LPP: variants seen among roughly 807,000 people sequenced by gnomAD.
LPP encodes LIM domain containing preferred translocation partner in lipoma.
Under a neutral mutation model 60.4 loss-of-function variants are expected in LPP, and 38 were observed. That is an observed-to-expected ratio of 0.63 (90% CI 0.49 to 0.83). The LOEUF is 0.83. Among genes scored for constraint, LPP ranks in the 40% least tolerant of loss-of-function variants. LPP has a pLI of 0.00. For synonymous variants in LPP, 328 were observed against 290.8 expected (o/e 1.13, Z -1.30); for missense variants, 902 against 783.6 (o/e 1.15, Z -1.80).
At chr3:188,161,330 G>A (rs1229653390) in intron 1 of LPP, among the ~76,000 whole-genome samples, 2 of 152,206 alleles carry the variant, frequency 1.3e-5, no homozygotes, top group Non-Finnish European at 2.9e-5. Context: ...CCTGTATCGG[G>A]TCAGCAGCGT....
At chr3:188,271,109 A>T (rs1267063106) in intron 2 of LPP, among the ~76,000 whole-genome samples, 1 of 152,268 alleles carries the variant, frequency 6.6e-6, no homozygotes, top group Non-Finnish European at 1.5e-5. Flanking sequence ...TTGAACTTAA[A>T]AAGACAAAAA....
chr3:188,835,384 T>G (rs1758174750), intron 9 of LPP, among the ~76,000 whole-genome samples: 1 of 150,388 alleles, frequency 6.6e-6, no homozygotes, highest in African/African-American at 2.5e-5. Flanking sequence ...CCTAGCATTT[T>G]GGGAGGCTGA....
intron 6 of LPP, among the ~76,000 whole-genome samples, chr3:188,547,817 T>G (rs181834157): frequency 6.6e-6 from 1 of 152,096 alleles, no homozygotes; most frequent in Non-Finnish European, 1.5e-5. Context: ...ATAAGAAGTG[T>G]GATGTATAAA....
chr3:188,735,729 A>C (rs565102516), intron 8 of LPP, among the ~76,000 whole-genome samples: 2 of 152,286 alleles, frequency 1.3e-5, no homozygotes, highest in African/African-American at 4.8e-5. Flanking sequence ...AATGTCCCCA[A>C]AATATTTTCA....
intron 7 of LPP, among the ~76,000 whole-genome samples, chr3:188,700,633 T>C (rs1864215535): frequency 1.3e-5 from 2 of 152,164 alleles, no homozygotes; most frequent in South Asian, 4.1e-4. Flanking sequence ...CCAAGTGTAG[T>C]GAAAGTTCAG....
rs1560498059 is a variant in LPP, at chr3:188,509,870, G to GTC, written c.307-14794_307-14793insCT. 1.4e-4 allele frequency among the ~76,000 whole-genome samples: 6 copies of GTC among 44,192 alleles called. 1 individual carries two copies. The highest frequency in any genetic ancestry group is 3.6e-3 in the East Asian group (2 of 548). The allele number at this position is 44,192 out of a possible 152,430, so 29.0% of individuals were successfully genotyped here. ...ACCATGCCTGGCTAATTTTTTTTTT[G>GTC]TTGTTTTTTTTTTTTTTTTTGCATC... On this transcript the variant is annotated intron_variant, in intron 5 of 11. Transcript: ENST00000617246.
At chr3:188,844,413 C>T (rs1340797784) in intron 9 of LPP, among the ~76,000 whole-genome samples, 1 of 152,182 alleles carries the variant, frequency 6.6e-6, no homozygotes, top group East Asian at 1.9e-4. Context: ...ATTTCTCTCC[C>T]TATGGGAAAT....
chr3:188,657,962 T>C (rs974647205), intron 7 of LPP, among the ~76,000 whole-genome samples: 1 of 152,184 alleles, frequency 6.6e-6, no homozygotes, highest in African/African-American at 2.4e-5. Flanking sequence ...AGCTCAGATA[T>C]GTGTCATCTT....
intron 6 of LPP, among the ~76,000 whole-genome samples, chr3:188,542,434 G>A (rs1171190342): frequency 1.3e-5 from 2 of 152,144 alleles, no homozygotes; most frequent in Non-Finnish European, 2.9e-5. Flanking sequence ...TTTTCAGGAA[G>A]GAAATAGTGC....
chr3:188,521,518 C>T (rs945591289), intron 5 of LPP, among the ~76,000 whole-genome samples: 1 of 152,104 alleles, frequency 6.6e-6, no homozygotes, highest in African/African-American at 2.4e-5. Flanking sequence ...TGATTAAATC[C>T]TGTCTCTTTA....
chr3:188,300,637 C>T (rs550683541), intron 2 of LPP, among the ~76,000 whole-genome samples: 1 of 152,116 alleles, frequency 6.6e-6, no homozygotes, highest in East Asian at 1.9e-4. Context: ...AACATATTAG[C>T]CCAAGTTCTC....
chr3:188,240,333 T>G (rs542346032), intron 2 of LPP, among the ~76,000 whole-genome samples: 2 of 150,142 alleles, frequency 1.3e-5, no homozygotes, highest in East Asian at 3.9e-4. Context: ...GTCAGGAGTT[T>G]TGGGTAAGAG....
At chr3:188,531,597 A>G (rs571745297) in intron 6 of LPP, among the ~76,000 whole-genome samples, 1 of 152,168 alleles carries the variant, frequency 6.6e-6, no homozygotes, top group Non-Finnish European at 1.5e-5. Flanking sequence ...TGAAGTCTGT[A>G]TAAAAATCCC....
chr3:188,245,990 T>G (rs1383998299), intron 2 of LPP, among the ~76,000 whole-genome samples: 3 of 152,246 alleles, frequency 2.0e-5, no homozygotes, highest in Non-Finnish European at 2.9e-5. Context: ...TTTTCAAAGT[T>G]TTTTACTTTA....
intron 7 of LPP, among the ~76,000 whole-genome samples, chr3:188,618,234 T>G (rs1245374859): frequency 6.6e-6 from 1 of 152,204 alleles, no homozygotes; most frequent in African/African-American, 2.4e-5. Context: ...AATGATACAG[T>G]GTTTGATCTG....
chr3:188,636,534 C>T (rs964058033), intron 7 of LPP, among the ~76,000 whole-genome samples: 1 of 152,164 alleles, frequency 6.6e-6, no homozygotes, highest in South Asian at 2.1e-4. Flanking sequence ...CCAGGAAGCT[C>T]GAACTGGGGG....
intron 8 of LPP, among the ~76,000 whole-genome samples, chr3:188,725,006 C>T (rs1262100287): frequency 3.9e-5 from 6 of 152,186 alleles, no homozygotes; most frequent in Admixed American, 3.9e-4. Flanking sequence ...AGGCCGTCAG[C>T]GGCAGTGTCA....
At chr3:188,325,165 G>C (rs1434734060) in intron 2 of LPP, among the ~76,000 whole-genome samples, 2 of 152,056 alleles carry the variant, frequency 1.3e-5, no homozygotes, top group African/African-American at 4.8e-5. Flanking sequence ...ATTTTTAGTA[G>C]AGATGGGTTT....
chr3:188,652,972 A>G (rs919808573), intron 7 of LPP, among the ~76,000 whole-genome samples: 5 of 152,178 alleles, frequency 3.3e-5, no homozygotes, highest in African/African-American at 1.2e-4. Flanking sequence ...GTCTTGGGCC[A>G]TGGAACCTCT....
Sources: allele counts gnomAD v4.1 joint callset (sites outside exome capture counted in the v4.1 genomes callset), GRCh38; gene constraint gnomAD v4.1.1; transcripts MANE v1.5; gene names NCBI Gene and HGNC (gene_info 2026-07-23, HGNC 2026-07-21).